The following XYLT1 variants were observed in gnomAD, a reference collection of about 807,000 sequenced individuals.
The protein encoded by XYLT1 is beta-D-xylosyltransferase 1.
XYLT1 carries 36 observed loss-of-function variants against 91.3 expected under a neutral mutation model. The ratio of observed to expected loss-of-function variants is 0.39; its 90% CI spans 0.30 to 0.52. XYLT1 has a LOEUF of 0.52. Among genes scored for constraint, XYLT1 ranks in the 20% least tolerant of loss-of-function variants. XYLT1 has a pLI of 0.68. For missense variants in XYLT1, 1,242 were observed against 1,284.5 expected, an observed-to-expected ratio of 0.97 and a Z score of 0.51; for synonymous variants, 588 against 532.0, an observed-to-expected ratio of 1.11 and a Z score of -1.45.
intron 1 of XYLT1, among the ~76,000 whole-genome samples, chr16:17,432,828 C>T (rs2036407866): frequency 1.3e-5 from 2 of 152,114 alleles, no homozygotes; most frequent in East Asian, 1.9e-4. Flanking sequence ...AGCAAGTCTT[C>T]CGACCCAAGC....
chr16:17,438,631 A>T (rs1344347104), intron 1 of XYLT1, among the ~76,000 whole-genome samples: 1 of 152,190 alleles, frequency 6.6e-6, no homozygotes, highest in East Asian at 1.9e-4. Flanking sequence ...AAGAGATTTA[A>T]TTGACTCAGT....
intron 5 of XYLT1, among the ~76,000 whole-genome samples, chr16:17,175,361 C>T (rs2031918583): frequency 1.3e-5 from 2 of 152,138 alleles, no homozygotes; most frequent in Admixed American, 1.3e-4. Flanking sequence ...GAGTTGCTTG[C>T]TGAGGCACTT....
chr16:17,158,439 A>G (rs1340467622), intron 6 of XYLT1, among the ~76,000 whole-genome samples: 1 of 152,224 alleles, frequency 6.6e-6, no homozygotes, highest in Non-Finnish European at 1.5e-5. Context: ...CATGCTTGTT[A>G]AGTATTTGAA....
chr16:17,311,533 C>T (rs1428155918), intron 2 of XYLT1, among the ~76,000 whole-genome samples: 3 of 152,182 alleles, frequency 2.0e-5, no homozygotes, highest in African/African-American at 7.2e-5. Flanking sequence ...TCGAGAACAG[C>T]TGCCCTACTG....
At chr16:17,192,214 T>A (rs1257942564) in intron 5 of XYLT1, among the ~76,000 whole-genome samples, 1 of 151,264 alleles carries the variant, frequency 6.6e-6, no homozygotes, top group African/African-American at 2.4e-5. Flanking sequence ...TTCTCCTGTC[T>A]CAGCCTCCCA....
intron 2 of XYLT1, among the ~76,000 whole-genome samples, chr16:17,277,731 A>C (rs548580721): frequency 6.6e-6 from 1 of 152,062 alleles, no homozygotes; most frequent in South Asian, 2.1e-4. Context: ...CAATGTTTAG[A>C]TCCTAATTCC....
At chr16:17,213,182 AGT>A (rs1322529176) in intron 3 of XYLT1, among the ~76,000 whole-genome samples, 1 of 152,142 alleles carries the variant, frequency 6.6e-6, no homozygotes, top group Non-Finnish European at 1.5e-5. Context: ...CGTGTTTAAA[AGT>A]GTGTGGCACC....
rs571865528 is a variant in XYLT1, at chr16:17,114,153, G to T, written c.2557+3493C>A. Among the ~76,000 whole-genome samples the T allele has an allele frequency of 5.3e-5, 8 of 152,362 alleles. No homozygotes were observed. In the South Asian group the frequency reaches 1.7e-3, roughly 32 times the overall value. ...TGCACTCAGGACTCCTCTGGACCTT[G>T]CCCTCTGTATAGCTTCATTTGGCTG... is the stretch of plus-strand genomic sequence containing the variant. On this transcript the variant is annotated intron_variant, in intron 11 of 11. Coordinates refer to ENST00000261381, the MANE Select transcript of XYLT1 (RefSeq NM_022166.4).
intron 1 of XYLT1, among the ~76,000 whole-genome samples, chr16:17,439,314 C>T (rs1040632326): frequency 1.9e-4 from 29 of 152,188 alleles, no homozygotes; most frequent in Admixed American, 1.2e-3. Context: ...ACAAAGTTGA[C>T]GGACAGATGG....
chr16:17,251,868 T>C (rs2033545311), intron 3 of XYLT1, among the ~76,000 whole-genome samples: 1 of 152,004 alleles, frequency 6.6e-6, no homozygotes, highest in Non-Finnish European at 1.5e-5. Context: ...AGGAAGCGCA[T>C]TCAGGGTGGG....
chr16:17,327,119 G>A (rs369227018), intron 2 of XYLT1, among the ~76,000 whole-genome samples: 1 of 152,162 alleles, frequency 6.6e-6, no homozygotes, highest in East Asian at 1.9e-4. Flanking sequence ...ATTCATTTGT[G>A]TAATGTCATC....
At chr16:17,325,195 C>T (rs543606741) in intron 2 of XYLT1, among the ~76,000 whole-genome samples, 5 of 152,078 alleles carry the variant, frequency 3.3e-5, no homozygotes, top group East Asian at 1.9e-4. Flanking sequence ...GTCAGGAGTT[C>T]GAGACCAGTC....
chr16:17,138,611 T>TGCTCTGAGTTCA, intron 7 of XYLT1, 80 bp from the exon 8 acceptor site: 1 of 1,522,658 alleles, frequency 6.6e-7, no homozygotes, highest in Non-Finnish European at 9.0e-7. Context: ...GGTGAACCCT[T>TGCTCTGAGTTCA]GCTCTGAGTT....
intron 8 of XYLT1, among the ~76,000 whole-genome samples, chr16:17,137,809 T>TTAAAAA (rs2030798710): frequency 6.6e-6 from 1 of 152,030 alleles, no homozygotes; most frequent in Non-Finnish European, 1.5e-5. Context: ...GTGCAATTCA[T>TTAAAAA]TAAAAATACA....
At chr16:17,436,484 A>G (rs1014923154) in intron 1 of XYLT1, among the ~76,000 whole-genome samples, 3 of 152,198 alleles carry the variant, frequency 2.0e-5, no homozygotes, top group Admixed American at 6.5e-5. Context: ...AGGGGCGTGG[A>G]TGGCACATAG....
intron 5 of XYLT1, among the ~76,000 whole-genome samples, chr16:17,169,166 G>T (rs1001239121): frequency 6.6e-6 from 1 of 152,144 alleles, no homozygotes; most frequent in Non-Finnish European, 1.5e-5. Context: ...CAGACATATA[G>T]GTAGGTCCCT....
At chr16:17,230,841 A>G (rs1190468940) in intron 3 of XYLT1, among the ~76,000 whole-genome samples, 1 of 152,208 alleles carries the variant, frequency 6.6e-6, no homozygotes, top group Non-Finnish European at 1.5e-5. Flanking sequence ...AGATACATCT[A>G]TCAATATCTG....
intron 3 of XYLT1, among the ~76,000 whole-genome samples, chr16:17,226,559 G>A (rs760415834): frequency 1.7e-4 from 26 of 152,136 alleles, no homozygotes; most frequent in Non-Finnish European, 3.4e-4. Flanking sequence ...AGGCTGAGGC[G>A]GGCAGATCAC....
intron 1 of XYLT1, among the ~76,000 whole-genome samples, chr16:17,439,434 A>T (rs561695863): frequency 6.6e-6 from 1 of 152,326 alleles, no homozygotes; most frequent in South Asian, 2.1e-4. Context: ...GCGGCTCCCT[A>T]AATTACAGTC....
Sources: allele counts gnomAD v4.1 joint callset (sites outside exome capture counted in the v4.1 genomes callset), GRCh38; gene constraint gnomAD v4.1.1; transcripts MANE v1.5; gene names NCBI Gene and HGNC (gene_info 2026-07-23, HGNC 2026-07-21).